COL14A1: variants seen among roughly 807,000 people sequenced by gnomAD.
COL14A1 encodes collagen type XIV alpha 1 chain, also known as collagen alpha-1(XIV) chain.
COL14A1 carries 136 observed loss-of-function variants against 230.3 expected under a neutral mutation model. That is an observed-to-expected ratio of 0.59 (90% CI 0.51 to 0.68). The LOEUF (loss-of-function observed/expected upper bound fraction) is 0.68, where lower values mean the gene tolerates loss of function less well. Among genes scored for constraint, COL14A1 ranks in the 30% least tolerant of loss-of-function variants. The probability of loss-of-function intolerance (pLI) is 0.00; values close to 1 mark genes in which losing one functional copy is unlikely to be tolerated. For missense variants in COL14A1, 1,976 were observed against 2,215.8 expected (o/e 0.89, Z 2.17); for synonymous variants, 792 against 784.1 (o/e 1.01, Z -0.17).
At chr8:120,194,038 C>G (rs1413891506) in intron 5 of COL14A1, among the ~76,000 whole-genome samples, 1 of 152,206 alleles carries the variant, frequency 6.6e-6, no homozygotes, top group Non-Finnish European at 1.5e-5. Context: ...TCGGCTCGCG[C>G]ACGGTGCGCT....
At chr8:120,222,667 C>T (rs1817967108) in intron 14 of COL14A1, among the ~76,000 whole-genome samples, 2 of 151,560 alleles carry the variant, frequency 1.3e-5, no homozygotes, top group South Asian at 4.2e-4. Flanking sequence ...GTGTATTTGG[C>T]TTCTGGACTG....
chr8:120,328,554 T>A (rs529079545), intron 40 of COL14A1, among the ~76,000 whole-genome samples: 1 of 152,028 alleles, frequency 6.6e-6, no homozygotes, highest in African/African-American at 2.4e-5. Context: ...TTTGATTTGA[T>A]CACACTGAAG....
chr8:120,291,821 AT>A (rs1290340286), intron 34 of COL14A1, among the ~76,000 whole-genome samples: 1 of 151,988 alleles, frequency 6.6e-6, no homozygotes. Flanking sequence ...GTCACATACT[AT>A]TTTGTTTCTC....
rs1424132256 is a variant in COL14A1 at position 120,275,356 on chromosome 8, C to T, written c.3214-2755C>T. On this transcript the variant is annotated intron_variant, in intron 26 of 47. Coordinates refer to ENST00000297848, the MANE Select transcript of COL14A1 (RefSeq NM_021110.4). ...AAAATCAACTCAAGATGGATCAAAGCCTTAAATCTAAGACCTGAAATGATA... is the reference window on the plus strand; with the variant it reads ...AAAATCAACTCAAGATGGATCAAAGTCTTAAATCTAAGACCTGAAATGATA... Among the ~76,000 whole-genome samples, 9 of 151,686 alleles carry T rather than the reference C, an allele frequency of 5.9e-5. No individual in the cohort carries two copies. The East Asian group carries it at 1.6e-3, about 26-fold the overall frequency.
At chr8:120,366,042 C>T (rs1270017797) in intron 45 of COL14A1, among the ~76,000 whole-genome samples, 1 of 152,232 alleles carries the variant, frequency 6.6e-6, no homozygotes, top group East Asian at 1.9e-4. Context: ...GTTAGTTCCT[C>T]ACCGGAGTCT....
intron 25 of COL14A1, 112 bp from the exon 26 acceptor site, chr8:120,269,923 C>CATTAAGAAGTTTATAT: frequency 8.9e-7 from 1 of 1,119,786 alleles, no homozygotes; most frequent in East Asian, 2.4e-5. Context: ...TTATATCTTT[C>CATTAAGAAGTTTATAT]CTTTGAAAAA....
intron 26 of COL14A1, 41 bp from the exon 27 acceptor site, chr8:120,278,070 G>A (rs375005382): frequency 7.2e-5 from 111 of 1,535,482 alleles, no homozygotes; most frequent in Non-Finnish European, 8.6e-5. Flanking sequence ...CCCAGTGGAA[G>A]TCTACATATG....
intron 19 of COL14A1, among the ~76,000 whole-genome samples, chr8:120,234,267 A>T (rs1818370491): frequency 6.6e-6 from 1 of 152,182 alleles, no homozygotes; most frequent in Admixed American, 6.5e-5. Context: ...AACAGAGACA[A>T]TTTGACTTTC....
Position 120,285,947 on chromosome 8 carries a change from A to AT in COL14A1, c.4060dup (p.Tyr1354LeufsTer13). On this transcript the variant is annotated frameshift_variant, in exon 33 of 48. Transcript: ENST00000297848. LOFTEE classifies it high-confidence loss of function. ...TTTCGAAGGACCTGAAATTAGGAAA[A>AT]TTTTTTATGGAAGCTTTCACAAGGT... 1.3e-6 allele frequency: 2 copies of AT among 1,595,998 alleles called. No individual in the cohort carries two copies. Among genetic ancestry groups the AT allele is most frequent in the Non-Finnish European group, 1.7e-6 (2 of 1,163,860 alleles).
intron 43 of COL14A1, among the ~76,000 whole-genome samples, 185 bp from the exon 44 acceptor site, chr8:120,342,195 T>C (rs1220063645): frequency 6.6e-6 from 1 of 152,210 alleles, no homozygotes; most frequent in Non-Finnish European, 1.5e-5. Context: ...CCAGGAACCT[T>C]GAACCATGAA....
chr8:120,328,191 G>A (rs1225630050), intron 40 of COL14A1, among the ~76,000 whole-genome samples: 3 of 152,152 alleles, frequency 2.0e-5, no homozygotes, highest in Admixed American at 1.3e-4. Context: ...TGAGGATATT[G>A]TTTAGGTAGA....
intron 15 of COL14A1, among the ~76,000 whole-genome samples, chr8:120,225,457 AT>A (rs1270842763): frequency 1.3e-5 from 2 of 152,212 alleles, no homozygotes; most frequent in Non-Finnish European, 2.9e-5. Context: ...TTTTAAAAAA[AT>A]GTATGTTTTT....
chr8:120,267,896 G>C (rs2129803767), intron 25 of COL14A1, among the ~76,000 whole-genome samples: 1 of 151,952 alleles, frequency 6.6e-6, no homozygotes, highest in African/African-American at 2.4e-5. Flanking sequence ...AGAAGAATGA[G>C]AGGAGAAAGT....
intron 5 of COL14A1, among the ~76,000 whole-genome samples, chr8:120,182,391 C>A (rs570570560): frequency 1.3e-5 from 2 of 152,030 alleles, no homozygotes; most frequent in African/African-American, 4.8e-5. Context: ...TCAAATTAAG[C>A]GATGTTTTGG....
chr8:120,295,452 G>A (rs1820496289), intron 34 of COL14A1, among the ~76,000 whole-genome samples: 1 of 151,834 alleles, frequency 6.6e-6, no homozygotes, highest in Non-Finnish European at 1.5e-5. Context: ...ATCTGAAGAT[G>A]TAAAGATATA....
chr8:120,337,922 G>T (rs1411417090), intron 42 of COL14A1, among the ~76,000 whole-genome samples: 1 of 152,174 alleles, frequency 6.6e-6, no homozygotes, highest in Non-Finnish European at 1.5e-5. Context: ...AGACTGCCTA[G>T]CTGCATCCTT....
At chr8:120,200,715 T>C (rs574613712) in intron 8 of COL14A1, among the ~76,000 whole-genome samples, 1 of 85,778 alleles carries the variant, frequency 1.2e-5, no homozygotes, top group Admixed American at 1.1e-4. Flanking sequence ...GTTTTCCTAT[T>C]TATATATATA....
chr8:120,212,503 C>G lies in COL14A1; in HGVS notation c.1523C>G (p.Thr508Arg). 1.2e-6 allele frequency: 2 copies of G among 1,613,534 alleles called. No individual in the cohort carries two copies. The highest frequency in any genetic ancestry group is 1.7e-6 in the Non-Finnish European group (2 of 1,179,624). ...GAATTGAGTGGGTTGTTGCCCAATA[C>G]AGAATACACAGTCACAGTTTATGCC... The part of the protein sequence containing the change: ...DIELSGLLPN[T>R]EYTVTVYAMF... The change falls in exon 13 of 48, where the codon ACA (threonine) becomes AGA (arginine). Residue 508 changes from threonine to arginine, a missense_variant. By Grantham distance (71) the Thr-to-Arg change is moderately conservative. Coordinates refer to ENST00000297848, the MANE Select transcript of COL14A1 (RefSeq NM_021110.4).
intron 40 of COL14A1, among the ~76,000 whole-genome samples, chr8:120,321,169 G>A (rs1821426090): frequency 6.6e-6 from 1 of 152,154 alleles, no homozygotes; most frequent in Non-Finnish European, 1.5e-5. Flanking sequence ...CCAGCATTTT[G>A]GGGCAATAGG....
Sources: gnomAD v4.1 joint callset for allele counts (sites outside exome capture counted in the v4.1 genomes callset) on GRCh38, gnomAD v4.1.1 for gene constraint, MANE v1.5 for transcripts, NCBI Gene and HGNC (gene_info 2026-07-23, HGNC 2026-07-21) for gene names.